The following PRH1 variants were observed in gnomAD, a reference collection of about 807,000 sequenced individuals.
PRH1 encodes the protein salivary acidic proline-rich phosphoprotein 1/2.
A neutral mutation model predicts 7.9 loss-of-function variants in PRH1; 7 were observed. That is an observed-to-expected ratio of 0.89 (90% CI 0.50 to 1.67). PRH1 has a LOEUF of 1.67. Ranked by LOEUF, PRH1 falls within the 40% of genes most tolerant of loss-of-function variation. The pLI is 0.00. For missense variants in PRH1, 109 were observed against 223.6 expected (o/e 0.49, Z 3.27); for synonymous variants, 45 against 80.8 (o/e 0.56, Z 2.38).
In PRH1 at chr12:11,096,853, A is replaced by T. The variant is rs1327878884; in HGVS notation, n.124-49665T>A. On this transcript the variant is annotated intron_variant and non_coding_transcript_variant, in intron 1 of 4. Transcript: ENST00000541977. ...CTCGTTGTCTCCCAGGCTGGAGTGC[A>T]GCGGCGCGATCTCGGCTCACTGCAA... Among the ~76,000 whole-genome samples, 11 of 114,804 alleles carry T rather than the reference A, an allele frequency of 9.6e-5. 4 individuals are homozygous for T. The Admixed American group carries it at 9.6e-4, about 10-fold the overall frequency. 75.3% of individuals were successfully genotyped at this position (114,804 alleles called of 152,430 possible).
At chr12:11,067,570 A>G (rs1397536715) in intron 1 of PRH1, among the ~76,000 whole-genome samples, 4 of 152,226 alleles carry the variant, frequency 2.6e-5, no homozygotes, top group Non-Finnish European at 5.9e-5. Context: ...TTAATTTAAG[A>G]AAAGTTTCAG....
chr12:11,093,027 T>C lies in PRH1; in HGVS notation n.124-45839A>G, dbSNP rs1944977845. Among the ~76,000 whole-genome samples, 2 of 116,200 alleles carry C rather than the reference T, an allele frequency of 1.7e-5. 1 individual carries two copies. The highest frequency in any genetic ancestry group is 4.1e-5 in the Non-Finnish European group (2 of 49,146). 76.2% of individuals were successfully genotyped at this position (116,200 alleles called of 152,430 possible). On this transcript the variant is annotated intron_variant and non_coding_transcript_variant, in intron 1 of 4. Coordinates refer to the PRH1 transcript ENST00000541977. ...TTCACACTGAAATTGACGTGAGACC[T>C]GAATCCTCATTTGCTAGTATGCAAA...
At chr12:10,937,446 C>T (rs368474043) in intron 2 of PRH1, 16 of 152,020 alleles carry the variant, frequency 1.1e-4, no homozygotes, top group Middle Eastern at 3.4e-3. Context: ...ATACTATACA[C>T]AGGAAGATAG....
chr12:11,155,733 A>G (rs940835342), intron 1 of PRH1, among the ~76,000 whole-genome samples: 2 of 152,114 alleles, frequency 1.3e-5, no homozygotes, highest in Admixed American at 1.3e-4. Flanking sequence ...AATTTGCTAT[A>G]ATTATTAATC....
intron 1 of PRH1, chr12:11,030,792 G>A (rs1942160827): frequency 6.2e-7 from 1 of 1,614,140 alleles, no homozygotes; most frequent in Non-Finnish European, 8.5e-7. Flanking sequence ...AAGTTTCCTA[G>A]CGTGGTTACA....
chr12:11,001,385 T>A (rs1422229016), intron 1 of PRH1, among the ~76,000 whole-genome samples: 1 of 152,174 alleles, frequency 6.6e-6, no homozygotes, highest in Admixed American at 6.5e-5. Context: ...TCAGGTGAGA[T>A]ATAGAAGATG....
intron 1 of PRH1, among the ~76,000 whole-genome samples, chr12:11,111,301 C>G (rs1450642319): frequency 6.6e-6 from 1 of 152,132 alleles, no homozygotes; most frequent in East Asian, 1.9e-4. Flanking sequence ...ACCAAGCTGA[C>G]CTAATAGACA....
At position 11,152,341 on chromosome 12, in the gene PRH1, TA is replaced by T. The variant is rs1947125559; in HGVS notation, n.39+19080del. 2.8e-5 allele frequency among the ~76,000 whole-genome samples: 4 copies of T among 142,540 alleles called. No individual in the cohort carries two copies. In the South Asian group the frequency reaches 8.8e-4, roughly 31 times the overall value. The allele number at this position is 142,540 out of a possible 152,430, so 93.5% of individuals were successfully genotyped here. A position where few individuals can be genotyped will look rare whatever the true frequency, so the allele number is the denominator to read the frequency against. On this transcript the variant is annotated intron_variant and non_coding_transcript_variant, in intron 1 of 1. Transcript: ENST00000541175. ...GATAATTTGTGAGATAGTATAATAA[TA>T]CAAGAAAATTTCTTTCATTATTTTT...
At chr12:11,031,583 C>T (rs1204710649) in intron 1 of PRH1, among the ~76,000 whole-genome samples, 2 of 151,954 alleles carry the variant, frequency 1.3e-5, no homozygotes, top group Non-Finnish European at 2.9e-5. Flanking sequence ...TGGCTGAAGC[C>T]ATGAGCTTTT....
chr12:11,161,569 T>A (rs762953366), intron 1 of PRH1, among the ~76,000 whole-genome samples: 2 of 152,146 alleles, frequency 1.3e-5, no homozygotes, highest in East Asian at 3.9e-4. Context: ...TCCAAAATAT[T>A]TTAGCAAGAT....
intron 1 of PRH1, among the ~76,000 whole-genome samples, chr12:10,994,290 G>A (rs1260875898): frequency 6.6e-6 from 1 of 152,220 alleles, no homozygotes; most frequent in African/African-American, 2.4e-5. Flanking sequence ...AAGCAGAACA[G>A]CAGAGATGGT....
chr12:11,004,029 C>A (rs2136025723), intron 1 of PRH1, among the ~76,000 whole-genome samples: 1 of 152,096 alleles, frequency 6.6e-6, no homozygotes, highest in South Asian at 2.1e-4. Flanking sequence ...GATATGAGTG[C>A]AAATCCTGGG....
chr12:10,883,764 A>G (rs1048482419), intron 1 of PRH1, among the ~76,000 whole-genome samples: 1 of 152,092 alleles, frequency 6.6e-6, no homozygotes, highest in African/African-American at 2.4e-5. Flanking sequence ...ACATGTGTTT[A>G]TCTCCTTCAT....
chr12:11,053,239 G>A (rs1174112008), intron 1 of PRH1, among the ~76,000 whole-genome samples: 1 of 152,092 alleles, frequency 6.6e-6, no homozygotes, highest in African/African-American at 2.4e-5. Flanking sequence ...TTTTCACTTT[G>A]CTTATGTTGT....
chr12:10,898,601 A>G (rs1031896899), intron 2 of PRH1, among the ~76,000 whole-genome samples: 1 of 152,198 alleles, frequency 6.6e-6, no homozygotes, highest in Non-Finnish European at 1.5e-5. Context: ...AACTCTAAAC[A>G]TATAACTAAT....
At chr12:11,007,868 G>A (rs1247416565) in intron 1 of PRH1, among the ~76,000 whole-genome samples, 1 of 152,016 alleles carries the variant, frequency 6.6e-6, no homozygotes, top group Non-Finnish European at 1.5e-5. Flanking sequence ...CAAATTACCA[G>A]AGTGATCCAC....
At chr12:11,110,866 A>C (rs748778598) in intron 1 of PRH1, among the ~76,000 whole-genome samples, 25 of 151,952 alleles carry the variant, frequency 1.6e-4, no homozygotes, top group Middle Eastern at 3.2e-3. Flanking sequence ...CAGCAAATTG[A>C]ATAGAGTCAA....
intron 1 of PRH1, among the ~76,000 whole-genome samples, chr12:10,974,254 G>C (rs1938980864): frequency 6.6e-6 from 1 of 152,166 alleles, no homozygotes. Context: ...AGCAGCCTTG[G>C]ATCCACCTGC....
intron 1 of PRH1, among the ~76,000 whole-genome samples, chr12:11,001,504 A>G (rs1940596567): frequency 6.6e-6 from 1 of 152,050 alleles, no homozygotes; most frequent in Non-Finnish European, 1.5e-5. Context: ...ATGCCAGGGG[A>G]TAGATGCACA....
Sources: gnomAD v4.1 joint callset for allele counts (sites outside exome capture counted in the v4.1 genomes callset) on GRCh38, gnomAD v4.1.1 for gene constraint, MANE v1.5 for transcripts, NCBI Gene and HGNC (gene_info 2026-07-23, HGNC 2026-07-21) for gene names.